The following GPM6A variants were observed in gnomAD, a reference collection of about 807,000 sequenced individuals.
GPM6A encodes the protein neuronal membrane glycoprotein M6-a.
GPM6A carries 7 observed loss-of-function variants against 32.1 expected under a neutral mutation model. That is an observed-to-expected ratio of 0.22 (90% confidence interval 0.12 to 0.41). The LOEUF (loss-of-function observed/expected upper bound fraction) is 0.41. GPM6A is among the 10% of genes least tolerant of loss of function. The probability of loss-of-function intolerance (pLI) is 1.00; values close to 1 mark genes in which losing one functional copy is unlikely to be tolerated. For synonymous variants in GPM6A, 130 were observed against 123.4 expected, an observed-to-expected ratio of 1.05 and a Z score of -0.35; for missense variants, 235 against 347.2, an observed-to-expected ratio of 0.68 and a Z score of 2.57.
chr4:175,854,766 A>C (rs530305114), intron 1 of GPM6A, among the ~76,000 whole-genome samples: 3 of 152,310 alleles, frequency 2.0e-5, no homozygotes, highest in African/African-American at 7.2e-5. Flanking sequence ...AGAGCTGCAC[A>C]AAGAGAGAAG....
At chr4:175,854,232 A>G (rs1337599075) in intron 1 of GPM6A, among the ~76,000 whole-genome samples, 1 of 152,216 alleles carries the variant, frequency 6.6e-6, no homozygotes, top group Non-Finnish European at 1.5e-5. Flanking sequence ...AATAAGAAGA[A>G]ACAGTAAGAA....
chr4:175,693,763 C>T (rs1055960898), intron 2 of GPM6A, among the ~76,000 whole-genome samples: 1 of 151,460 alleles, frequency 6.6e-6, no homozygotes, highest in African/African-American at 2.4e-5. Flanking sequence ...GATATGTTTC[C>T]CTAAAGTTGC....
chr4:175,711,457 T>TATACACAC (rs1303046650), intron 1 of GPM6A, among the ~76,000 whole-genome samples: 1 of 28,014 alleles, frequency 3.6e-5, no homozygotes, highest in African/African-American at 8.4e-5. Flanking sequence ...TATATATATA[T>TATACACAC]ACACACACAT....
chr4:175,870,659 G>A (rs903254035), intron 1 of GPM6A, among the ~76,000 whole-genome samples: 11 of 151,824 alleles, frequency 7.2e-5, no homozygotes, highest in Non-Finnish European at 1.0e-4. Context: ...ACTTCTCCTT[G>A]TTCCCACACC....
At position 175,740,025 on chromosome 4, in the gene GPM6A, C is replaced by A. The variant is rs532076881; in HGVS notation, c.38-38258G>T. Among the ~76,000 whole-genome samples the A allele has an allele frequency of 7.2e-5, 11 of 152,068 alleles. No homozygotes were observed. The South Asian group carries it at 1.5e-3, about 20-fold the overall frequency. Reference sequence around the variant, plus strand: ...GTATTTGACCAATACTTTGCTAAGACAAGCGTGTAGAAAATATTGTCTCTA... The same window carrying A: ...GTATTTGACCAATACTTTGCTAAGAAAAGCGTGTAGAAAATATTGTCTCTA... On this transcript the variant is annotated intron_variant, in intron 1 of 6. Coordinates refer to ENST00000393658, the MANE Select transcript of GPM6A (RefSeq NM_201591.3).
At position 175,715,719 on chromosome 4, in the gene GPM6A, C is replaced by CTTT. The variant is rs35485713; in HGVS notation, c.38-13955_38-13953dup. Reference sequence around the variant, plus strand: ...AATGTACTGTTTATCTTACTATTGACTTTTTTTTTTTTTGAATCTCTTCAC... The same window carrying CTTT: ...AATGTACTGTTTATCTTACTATTGACTTTTTTTTTTTTTTTTGAATCTCTTCAC... On this transcript the variant is annotated intron_variant, in intron 1 of 6. Coordinates refer to ENST00000393658, the MANE Select transcript of GPM6A (RefSeq NM_201591.3). Among the ~76,000 whole-genome samples, 11 of 145,920 alleles carry CTTT rather than the reference C, an allele frequency of 7.5e-5. 1 individual carries two copies. The highest frequency in any genetic ancestry group is 6.5e-4 in the South Asian group (3 of 4,612).
chr4:175,725,097 T>C (rs144824327), intron 1 of GPM6A, among the ~76,000 whole-genome samples: 2 of 152,308 alleles, frequency 1.3e-5, no homozygotes, highest in African/African-American at 4.8e-5. Flanking sequence ...AGGTCCATAA[T>C]GTAAACTCCG....
At chr4:175,666,721 C>T (rs1742774317) in intron 3 of GPM6A, among the ~76,000 whole-genome samples, 1 of 152,114 alleles carries the variant, frequency 6.6e-6, no homozygotes, top group Non-Finnish European at 1.5e-5. Flanking sequence ...AATTTTACAA[C>T]CATATTTTCC....
chr4:175,719,319 C>A (rs1439788840), intron 1 of GPM6A, among the ~76,000 whole-genome samples: 1 of 152,036 alleles, frequency 6.6e-6, no homozygotes, highest in Non-Finnish European at 1.5e-5. Flanking sequence ...CTGCCTCAGC[C>A]TCCCGAGTAG....
intron 1 of GPM6A, among the ~76,000 whole-genome samples, chr4:175,955,252 G>C (rs564831878): frequency 6.6e-6 from 1 of 152,290 alleles, no homozygotes; most frequent in South Asian, 2.1e-4. Context: ...ATGGGAGAAA[G>C]GAAAATCTAG....
At chr4:175,923,689 G>A (rs1738743450) in intron 1 of GPM6A, among the ~76,000 whole-genome samples, 1 of 152,004 alleles carries the variant, frequency 6.6e-6, no homozygotes, top group South Asian at 2.1e-4. Flanking sequence ...AAGTAGCTGA[G>A]ACCACAGGCA....
intron 1 of GPM6A, among the ~76,000 whole-genome samples, chr4:175,762,212 T>C (rs1732776408): frequency 1.3e-5 from 2 of 152,224 alleles, no homozygotes; most frequent in African/African-American, 4.8e-5. Flanking sequence ...GTATGCATTT[T>C]ATGACAGTTT....
chr4:175,646,470 C>A (rs972255414), intron 4 of GPM6A, among the ~76,000 whole-genome samples: 3 of 152,068 alleles, frequency 2.0e-5, no homozygotes, highest in Non-Finnish European at 4.4e-5. Flanking sequence ...TGGAATATTC[C>A]TAGGTCTTGG....
At chr4:175,669,623 T>C (rs1742941225) in intron 3 of GPM6A, among the ~76,000 whole-genome samples, 1 of 152,198 alleles carries the variant, frequency 6.6e-6, no homozygotes, top group African/African-American at 2.4e-5. Flanking sequence ...CAATAGCAAC[T>C]AGTTAATTTT....
chr4:175,830,192 G>A (rs950735899), intron 1 of GPM6A, among the ~76,000 whole-genome samples: 15 of 152,234 alleles, frequency 9.9e-5, no homozygotes, highest in Non-Finnish European at 1.8e-4. Flanking sequence ...GGTTGAGCTG[G>A]TCATGTGAGT....
At chr4:175,870,910 C>T (rs936039633) in intron 1 of GPM6A, among the ~76,000 whole-genome samples, 6 of 152,038 alleles carry the variant, frequency 3.9e-5, no homozygotes, top group African/African-American at 1.4e-4. Context: ...AATAAAAGCA[C>T]CCATCACACA....
rs141560424 is a variant in GPM6A at position 175,986,740 on chromosome 4, G to C, written c.-23+15569C>G. ...AAGTATCTTATTTCCCCAGCAAATA[G>C]CCAACAGTGCATCTACACACTTACT... is the stretch of plus-strand genomic sequence containing the variant. On this transcript the variant is annotated intron_variant, in intron 1 of 7. Transcript: ENST00000280187. 8.2e-4 allele frequency among the ~76,000 whole-genome samples: 124 copies of C among 151,998 alleles called. 1 individual carries two copies. The highest frequency in any genetic ancestry group is 2.7e-3 in the African/African-American group (112 of 41,432).
chr4:175,649,553 T>A (rs920370739), intron 4 of GPM6A, among the ~76,000 whole-genome samples: 8 of 152,208 alleles, frequency 5.3e-5, no homozygotes, highest in African/African-American at 1.4e-4. Context: ...ACTTAACTAT[T>A]TGCATTTATT....
At chr4:175,867,640 G>A (rs1736781617) in intron 1 of GPM6A, among the ~76,000 whole-genome samples, 1 of 152,118 alleles carries the variant, frequency 6.6e-6, no homozygotes, top group Non-Finnish European at 1.5e-5. Context: ...TATTTCCATA[G>A]ATCTACTGAT....
Sources: allele counts gnomAD v4.1 joint callset (sites outside exome capture counted in the v4.1 genomes callset), GRCh38; gene constraint gnomAD v4.1.1; transcripts MANE v1.5; gene names NCBI Gene and HGNC (gene_info 2026-07-23, HGNC 2026-07-21).